HSPA4: variants seen among roughly 807,000 people sequenced by gnomAD.
HSPA4 encodes heat shock 70 kDa protein 4.
Under a neutral mutation model 106.2 loss-of-function variants are expected in HSPA4, and 25 were observed. That is an observed-to-expected ratio of 0.24 (90% CI 0.17 to 0.33). The LOEUF is 0.33. Ranked by LOEUF, HSPA4 falls within the 10% of genes least tolerant of loss-of-function variation. The pLI is 1.00. For missense variants in HSPA4, 841 were observed against 996.0 expected (o/e 0.84, Z 2.10); for synonymous variants, 332 against 333.6 (o/e 1.00, Z 0.05).
At chr5:133,092,586 C>A in intron 12 of HSPA4, 114 bp from the exon 13 acceptor site, 1 of 730,778 alleles carries the variant, frequency 1.4e-6, no homozygotes, top group Non-Finnish European at 2.4e-6. Flanking sequence ...TTAGCATAGG[C>A]CTTCTGATTG....
chr5:133,097,358 T>C, intron 15 of HSPA4, 72 bp downstream of exon 15: 1 of 1,379,448 alleles, frequency 7.2e-7, no homozygotes, highest in Non-Finnish European at 1.0e-6. Context: ...AGAAGGGAAG[T>C]GTGCAGCTAT....
chr5:133,063,519 C>T (rs1765271027), intron 1 of HSPA4, among the ~76,000 whole-genome samples: 3 of 151,952 alleles, frequency 2.0e-5, no homozygotes, highest in Admixed American at 1.3e-4. Flanking sequence ...CAACCTCCGT[C>T]TCCCAGGTTC....
At position 133,104,881 on chromosome 5, in the gene HSPA4, C is replaced by G. The variant is rs1333997078; in HGVS notation, c.*445C>G. On this transcript the variant is annotated 3_prime_UTR_variant, in exon 19 of 19. Transcript: ENST00000304858. ...CCTGGTGTGGGGATGGGGTCCCCCTCTTTGTGAGGGCTGGAGCATGGCACG... is the reference window on the plus strand; with the variant it reads ...CCTGGTGTGGGGATGGGGTCCCCCTGTTTGTGAGGGCTGGAGCATGGCACG... 5.7e-6 allele frequency: 1 copy of G among 176,102 alleles called. No individual in the cohort carries two copies. The highest frequency in any genetic ancestry group is 2.4e-5 in the African/African-American group (1 of 41,632). 10.9% of individuals were successfully genotyped at this position (176,102 alleles called of 1,614,324 possible).
In HSPA4 at chr5:133,106,141, G is replaced by GGTGGGT. The variant is rs1765859383; in HGVS notation, c.*1708_*1709insGGTGTG. On this transcript the variant is annotated 3_prime_UTR_variant, in exon 19 of 19. Transcript: ENST00000304858. The stretch of plus-strand genomic sequence containing the variant: ...TTTTTTTTTTTTTTTTTTTTTTTTT[G>GGTGGGT]GTGTGTGTGTGTGTGTGTGTGGGGA... The GGTGGGT allele has an allele frequency of 1.9e-5, 1 of 53,584 alleles. No individual in the cohort carries two copies. The highest frequency in any genetic ancestry group is 2.8e-4 in the Admixed American group (1 of 3,542). The allele number at this position is 53,584 out of a possible 1,614,324, so 3.3% of individuals were successfully genotyped here.
intron 1 of HSPA4, among the ~76,000 whole-genome samples, chr5:133,055,176 C>T (rs188022917): frequency 2.0e-5 from 3 of 152,068 alleles, no homozygotes; most frequent in East Asian, 1.9e-4. Context: ...TTATATTTTC[C>T]TTCATAGTTT....
At chr5:133,097,091 T>A (rs1440475043) in intron 14 of HSPA4, 70 bp from the exon 15 acceptor site, 4 of 1,268,504 alleles carry the variant, frequency 3.2e-6, no homozygotes, top group Non-Finnish European at 2.2e-6. Context: ...TCTACTTTTA[T>A]AATTATATTG....
At chr5:133,063,964 G>A (rs1487481761) in intron 1 of HSPA4, among the ~76,000 whole-genome samples, 1 of 151,856 alleles carries the variant, frequency 6.6e-6, no homozygotes, top group Non-Finnish European at 1.5e-5. Context: ...GTTTCACCAT[G>A]TTGGCCTGGC....
chr5:133,085,115 C>T (rs1339051235), intron 7 of HSPA4, among the ~76,000 whole-genome samples: 3 of 151,728 alleles, frequency 2.0e-5, no homozygotes, highest in African/African-American at 4.8e-5. Flanking sequence ...ACCCTTTTAA[C>T]GTGTATAATT....
In HSPA4 at chr5:133,105,178, A is replaced by G. The variant is rs1209914277; in HGVS notation, c.*742A>G. ...CAGAAGATTAGAATTGGGTAGATAT[A>G]CTGTTGGATATAGCCATGGTAAATT... On this transcript the variant is annotated 3_prime_UTR_variant, in exon 19 of 19. Coordinates refer to ENST00000304858, the MANE Select transcript of HSPA4 (RefSeq NM_002154.4). 6.6e-6 allele frequency: 1 copy of G among 152,216 alleles called. No individual in the cohort carries two copies. The highest frequency in any genetic ancestry group is 2.4e-5 in the African/African-American group (1 of 41,450). The allele number at this position is 152,216 out of a possible 1,614,324, so 9.4% of individuals were successfully genotyped here.
At chr5:133,066,675 A>AT (rs60693159) in intron 2 of HSPA4, among the ~76,000 whole-genome samples, 26 of 136,086 alleles carry the variant, frequency 1.9e-4, no homozygotes, top group South Asian at 9.0e-4. Context: ...ACTTAGTATG[A>AT]TTTTTTTTTT....
rs772939952 is a variant in HSPA4 at position 133,064,973 on chromosome 5, C to T, written c.108-7C>T. ...TTTAATTCTTAAGTGCTTTTTTTGT[C>T]TTCTAGGGCTTGCATTTCTTTTGGT... is the stretch of plus-strand genomic sequence containing the variant. On this transcript the variant is annotated splice_region_variant and splice_polypyrimidine_tract_variant and intron_variant, in intron 1 of 18. Coordinates refer to ENST00000304858, the MANE Select transcript of HSPA4 (RefSeq NM_002154.4). 13 of 1,612,032 alleles carry T rather than the reference C, an allele frequency of 8.1e-6. No homozygotes were observed. In the Middle Eastern group the frequency reaches 8.4e-4, roughly 104 times the overall value.
chr5:133,064,019 G>A (rs1377834926), intron 1 of HSPA4, among the ~76,000 whole-genome samples: 3 of 151,800 alleles, frequency 2.0e-5, no homozygotes, highest in Non-Finnish European at 4.4e-5. Context: ...GCCTCAGCCC[G>A]CCAAAGTGCT....
At chr5:133,097,708 C>G (rs2126715746) in intron 15 of HSPA4, among the ~76,000 whole-genome samples, 1 of 151,844 alleles carries the variant, frequency 6.6e-6, no homozygotes, top group South Asian at 2.1e-4. Flanking sequence ...GCCACCAAGC[C>G]TGGCTAATTT....
intron 10 of HSPA4, 97 bp downstream of exon 10, chr5:133,089,258 CATTTT>C (rs1392569249): frequency 7.0e-6 from 5 of 710,492 alleles, no homozygotes; most frequent in Middle Eastern, 2.5e-4. Context: ...AAATCTGTAA[CATTTT>C]ATCATAGTGC....
intron 5 of HSPA4, 116 bp downstream of exon 5, chr5:133,073,445 C>A (rs972258311): frequency 3.9e-5 from 26 of 661,428 alleles, no homozygotes; most frequent in Non-Finnish European, 6.1e-5. Context: ...CTCTTGCTTA[C>A]CACTGTGGTC....
rs1313539367 is a variant in HSPA4 at position 133,052,064 on chromosome 5, G to C, written c.-187G>C. The stretch of plus-strand genomic sequence containing the variant: ...CGCCTCCTCTGCGGCCACTGAGCCG[G>C]AGCCGGCCTGAGCAGCGCTCTCGGT... On this transcript the variant is annotated 5_prime_UTR_variant, in exon 1 of 19. Coordinates refer to ENST00000304858, the MANE Select transcript of HSPA4 (RefSeq NM_002154.4). The C allele has an allele frequency of 3.7e-6, 2 of 544,896 alleles. No homozygotes were observed. The highest frequency in any genetic ancestry group is 6.5e-6 in the Non-Finnish European group (2 of 306,998). The allele number at this position is 544,896 out of a possible 1,614,324, so 33.8% of individuals were successfully genotyped here. A position where few individuals can be genotyped will look rare whatever the true frequency, so the allele number is the denominator to read the frequency against.
chr5:133,089,746 G>A (rs745798130), intron 11 of HSPA4, 51 bp downstream of exon 11: 11 of 1,331,604 alleles, frequency 8.3e-6, no homozygotes, highest in Non-Finnish European at 1.0e-6. Flanking sequence ...AAGCACAGTG[G>A]CTCACAACTG....
intron 7 of HSPA4, among the ~76,000 whole-genome samples, chr5:133,083,878 C>G (rs114594539): frequency 6.6e-6 from 1 of 152,142 alleles, no homozygotes; most frequent in South Asian, 2.1e-4. Context: ...TAAATTGCAT[C>G]TGTATACTTC....
At chr5:133,097,549 CTTTT>C (rs551499462) in intron 15 of HSPA4, among the ~76,000 whole-genome samples, 2 of 127,560 alleles carry the variant, frequency 1.6e-5, no homozygotes, top group Admixed American at 7.9e-5. Context: ...CTTTTCTTTT[CTTTT>C]TTTTTTTTTT....
Sources: gnomAD v4.1 joint callset for allele counts (sites outside exome capture counted in the v4.1 genomes callset) on GRCh38, gnomAD v4.1.1 for gene constraint, MANE v1.5 for transcripts, NCBI Gene and HGNC (gene_info 2026-07-23, HGNC 2026-07-21) for gene names.